DOCK7: variants seen among roughly 807,000 people sequenced by gnomAD.
DOCK7 encodes the protein dedicator of cytokinesis 7.
DOCK7 carries 138 observed loss-of-function variants against 271.0 expected under a neutral mutation model. The ratio of observed to expected loss-of-function variants is 0.51; its 90% CI spans 0.44 to 0.59. The LOEUF (loss-of-function observed/expected upper bound fraction) is 0.59, where lower values mean the gene tolerates loss of function less well. Among genes scored for constraint, DOCK7 ranks in the 20% least tolerant of loss-of-function variants. The pLI is 0.00. For missense variants in DOCK7, 2,066 were observed against 2,592.4 expected, an observed-to-expected ratio of 0.80 and a Z score of 4.41; for synonymous variants, 823 against 876.1, an observed-to-expected ratio of 0.94 and a Z score of 1.07.
At chr1:62,457,967 A>G (rs777111493) in intron 48 of DOCK7, 11 of 340,854 alleles carry the variant, frequency 3.2e-5, no homozygotes, top group Non-Finnish European at 5.4e-5. Context: ...TCTGGACAAC[A>G]TGGCAAAACC....
chr1:62,606,889 C>G (rs953979336), intron 14 of DOCK7, among the ~76,000 whole-genome samples: 1 of 152,038 alleles, frequency 6.6e-6, no homozygotes, highest in African/African-American at 2.4e-5. Flanking sequence ...CTTCAATACC[C>G]TATACTTCAC....
At chr1:62,495,136 C>T (rs1488059900) in intron 39 of DOCK7, 1 of 152,250 alleles carries the variant, frequency 6.6e-6, no homozygotes, top group African/African-American at 2.4e-5. Context: ...AACTCTGGGG[C>T]CCAGGACACC....
chr1:62,512,573 T>A (rs576254104), intron 33 of DOCK7, among the ~76,000 whole-genome samples: 11 of 152,138 alleles, frequency 7.2e-5, no homozygotes, highest in African/African-American at 2.4e-4. Context: ...TGGGCAATAT[T>A]TTTGCCTTAT....
At position 62,505,714 on chromosome 1, in the gene DOCK7, A is replaced by G; in HGVS notation, c.4579T>C (p.Cys1527Arg). ...ACCAAGGCTCTCTGTGTAGCAAAAC[A>G]GTGTTGTAGATAAACTGCACTTTGG... ...CNQSAVYLQHCFATQRALVSK... is the reference protein window; with the variant it reads ...CNQSAVYLQHRFATQRALVSK... Residue 1527 changes from cysteine to arginine, a missense_variant, in exon 36 of 50, where the codon TGT becomes CGT. Cys to Arg is a radical substitution (Grantham distance 180). This residue lies in a region of DOCK7 where 652 missense variants were observed against 922.1 expected (regional missense o/e 0.71). Coordinates refer to ENST00000635253, the MANE Select transcript of DOCK7 (RefSeq NM_001367561.1). The G allele has an allele frequency of 6.2e-7, 1 of 1,613,014 alleles. No individual in the cohort carries two copies. The highest frequency in any genetic ancestry group is 8.5e-7 in the Non-Finnish European group (1 of 1,179,496).
intron 44 of DOCK7, chr1:62,476,977 G>A (rs1182825871): frequency 6.6e-6 from 1 of 152,138 alleles, no homozygotes; most frequent in East Asian, 1.9e-4. Flanking sequence ...CAAGCCCAGA[G>A]CACTACTTCT....
intron 7 of DOCK7, among the ~76,000 whole-genome samples, chr1:62,643,949 T>A (rs959027322): frequency 6.6e-6 from 1 of 151,970 alleles, no homozygotes; most frequent in African/African-American, 2.4e-5. Flanking sequence ...TTAAAAATCT[T>A]CCTGGTCAAT....
chr1:62,552,831 A>G lies in DOCK7; in HGVS notation c.2667T>C (p.Leu889=), dbSNP rs1301387800. 6.2e-7 allele frequency: 1 copy of G among 1,613,928 alleles called. No homozygotes were observed. The highest frequency in any genetic ancestry group is 2.2e-5 in the East Asian group (1 of 44,840). The change falls in exon 22 of 50, where the codon CTT becomes CTC. Residue 889 remains leucine (L), a synonymous_variant. Coordinates refer to ENST00000635253, the MANE Select transcript of DOCK7 (RefSeq NM_001367561.1). ...MARSAVRPAS[L]NLNRSRSLSN... Reference sequence around the variant, plus strand: ...TAAGGCTTCGAGAACGATTTAAATTAAGGCTTGCAGGTCTCACCGCAGATC... The same window carrying G: ...TAAGGCTTCGAGAACGATTTAAATTGAGGCTTGCAGGTCTCACCGCAGATC...
chr1:62,645,436 C>T (rs547099491), intron 7 of DOCK7, among the ~76,000 whole-genome samples: 49 of 151,590 alleles, frequency 3.2e-4, no homozygotes, highest in Non-Finnish European at 8.8e-5. Flanking sequence ...AAAAGGACTA[C>T]ATATTGCATG....
rs746876011 is a variant in DOCK7, at chr1:62,619,892, T to G, written c.1519+8A>C. On this transcript the variant is annotated splice_region_variant and intron_variant, in intron 13 of 49. Transcript: ENST00000635253. ...TTGCAACCATTTCTACTCAAAATTT[T>G]TAAATACCTGTAATAGGTCTTAGTC... The G allele has an allele frequency of 1.9e-6, 3 of 1,596,646 alleles. No homozygotes were observed. The highest frequency in any genetic ancestry group is 2.6e-6 in the Non-Finnish European group (3 of 1,168,718).
intron 35 of DOCK7, among the ~76,000 whole-genome samples, chr1:62,506,378 G>A (rs1041999164): frequency 7.9e-5 from 12 of 152,074 alleles, no homozygotes; most frequent in Admixed American, 5.9e-4. Context: ...CATGATGGCC[G>A]CAGCTCAAGC....
At chr1:62,542,949 G>A (rs12066182) in intron 24 of DOCK7, among the ~76,000 whole-genome samples, 268 of 152,218 alleles carry the variant, frequency 1.8e-3, no homozygotes, top group African/African-American at 6.1e-3. Flanking sequence ...AAAAGGACAG[G>A]TAGAAGATAG....
At chr1:62,645,153 A>G (rs1323010606) in intron 7 of DOCK7, among the ~76,000 whole-genome samples, 3 of 152,200 alleles carry the variant, frequency 2.0e-5, no homozygotes, top group Admixed American at 6.5e-5. Flanking sequence ...AATTCCTCCA[A>G]AAGTTAAACA....
At chr1:62,569,936 A>G (rs984469213) in intron 18 of DOCK7, among the ~76,000 whole-genome samples, 3 of 151,958 alleles carry the variant, frequency 2.0e-5, no homozygotes, top group African/African-American at 7.3e-5. Flanking sequence ...CTGGTCTTGA[A>G]CTTCTGATCT....
intron 46 of DOCK7, 127 bp from the exon 47 acceptor site, chr1:62,475,478 C>G: frequency 8.1e-7 from 1 of 1,240,750 alleles, no homozygotes; most frequent in Non-Finnish European, 1.1e-6. Context: ...AATAAAATTC[C>G]AAACTTGGAT....
At chr1:62,477,933 A>C (rs1478692130) in intron 43 of DOCK7, 108 bp from the exon 44 acceptor site, 3 of 1,237,474 alleles carry the variant, frequency 2.4e-6, no homozygotes, top group Non-Finnish European at 3.2e-6. Flanking sequence ...ACATTGCAAA[A>C]AGTTTTAATT....
chr1:62,648,531 C>A lies in DOCK7; in HGVS notation c.403G>T (p.Gly135Ter). 1 of 1,334,996 alleles carries A rather than the reference C, an allele frequency of 7.5e-7. No individual in the cohort carries two copies. Among genetic ancestry groups the A allele is most frequent in the Non-Finnish European group, 9.9e-7 (1 of 1,005,930 alleles). 82.7% of individuals were successfully genotyped at this position (1,334,996 alleles called of 1,614,324 possible). The change falls in exon 5 of 50, where the codon GGA becomes TGA. Residue 135 changes from glycine (G) to a stop codon, truncating the protein, a stop_gained. Transcript: ENST00000635253. LOFTEE classifies it high-confidence loss of function. ...AATGTATTGGGATTAAATCCTGTTC[C>A]CAATTTATGATATCTATTAAAGAAA... ...AIVIRKYHKL[G>*]TGFNPNTLDK... is the part of the protein sequence containing the mutation.
chr1:62,623,243 T>A (rs1653510738), intron 12 of DOCK7, among the ~76,000 whole-genome samples: 2 of 152,246 alleles, frequency 1.3e-5, no homozygotes, highest in South Asian at 4.1e-4. Flanking sequence ...TTTAACTTAA[T>A]TTGCATTTGC....
At chr1:62,655,130 C>T (rs1657844391) in intron 2 of DOCK7, among the ~76,000 whole-genome samples, 1 of 152,154 alleles carries the variant, frequency 6.6e-6, no homozygotes, top group African/African-American at 2.4e-5. Context: ...ATTAAAACTA[C>T]CCATTAATAA....
intron 9 of DOCK7, chr1:62,634,566 ATTAG>A (rs1655024001): frequency 4.7e-6 from 2 of 427,978 alleles, no homozygotes; most frequent in Admixed American, 4.1e-5. Flanking sequence ...TATAATTCCT[ATTAG>A]TTCTGTTTCA....
Sources: allele counts gnomAD v4.1 joint callset (sites outside exome capture counted in the v4.1 genomes callset), GRCh38; gene constraint gnomAD v4.1.1; regional missense constraint gnomAD v4.1.1; transcripts MANE v1.5; gene names NCBI Gene and HGNC (gene_info 2026-07-23, HGNC 2026-07-21).